The following XKR6 variants were observed in gnomAD, a reference collection of about 807,000 sequenced individuals.
XKR6 encodes the protein XK-related protein 6.
Under a neutral mutation model 56.7 loss-of-function variants are expected in XKR6, and 22 were observed. The ratio of observed to expected loss-of-function variants is 0.39; its 90% CI spans 0.28 to 0.55. XKR6 has a LOEUF of 0.55. Among genes scored for constraint, XKR6 ranks in the 20% least tolerant of loss-of-function variants. The pLI, the probability that XKR6 is intolerant of heterozygous loss-of-function variation, is 0.66. For missense variants in XKR6, 852 were observed against 889.0 expected (o/e 0.96, Z 0.53); for synonymous variants, 524 against 387.8 (o/e 1.35, Z -4.13).
At chr8:10,975,998 C>T (rs538528150) in intron 1 of XKR6, among the ~76,000 whole-genome samples, 3 of 150,948 alleles carry the variant, frequency 2.0e-5, no homozygotes, top group African/African-American at 7.3e-5. Flanking sequence ...CAAGGTGAAA[C>T]CCTGTCTCTA....
chr8:11,130,440 G>T (rs763607724), intron 1 of XKR6, among the ~76,000 whole-genome samples: 3 of 152,090 alleles, frequency 2.0e-5, no homozygotes, highest in Non-Finnish European at 2.9e-5. Context: ...ATCAGGATCA[G>T]GGGCGAGAAC....
chr8:10,932,863 G>C (rs1397258943), intron 1 of XKR6, among the ~76,000 whole-genome samples: 2 of 136,884 alleles, frequency 1.5e-5, no homozygotes, highest in Non-Finnish European at 3.2e-5. Context: ...CTTTGCTATT[G>C]TGAATAATGC....
intron 1 of XKR6, among the ~76,000 whole-genome samples, chr8:11,145,907 G>T (rs1028319221): frequency 2.6e-5 from 4 of 152,108 alleles, no homozygotes; most frequent in African/African-American, 4.8e-5. Flanking sequence ...TGGAAAGGAA[G>T]AATAACGTTT....
intron 1 of XKR6, among the ~76,000 whole-genome samples, chr8:11,129,890 T>A (rs1206789083): frequency 6.6e-6 from 1 of 152,094 alleles, no homozygotes; most frequent in Non-Finnish European, 1.5e-5. Flanking sequence ...TAAAAACCAA[T>A]CTCAGCTGCT....
At chr8:11,158,499 T>C (rs768099349) in intron 1 of XKR6, among the ~76,000 whole-genome samples, 41 of 152,284 alleles carry the variant, frequency 2.7e-4, no homozygotes, top group Non-Finnish European at 4.6e-4. Flanking sequence ...GCCTAGAAAC[T>C]TCGCCTTGAG....
intron 1 of XKR6, among the ~76,000 whole-genome samples, chr8:10,992,348 T>C (rs1156360624): frequency 1.3e-5 from 2 of 152,116 alleles, no homozygotes; most frequent in Non-Finnish European, 2.9e-5. Flanking sequence ...GGCTGCTTAT[T>C]AGAATGAAGA....
intron 1 of XKR6, among the ~76,000 whole-genome samples, chr8:11,039,723 G>A (rs1417427221): frequency 6.6e-6 from 1 of 152,210 alleles, no homozygotes; most frequent in Admixed American, 6.5e-5. Context: ...CCTTCCCAAG[G>A]ACGGCAGCTG....
intron 1 of XKR6, among the ~76,000 whole-genome samples, chr8:11,159,482 C>G (rs566926612): frequency 2.0e-5 from 3 of 152,232 alleles, no homozygotes; most frequent in Non-Finnish European, 2.9e-5. Flanking sequence ...TGCTAACAGA[C>G]GCTGCTTCTG....
At chr8:10,908,600 T>C (rs558909915) in intron 2 of XKR6, among the ~76,000 whole-genome samples, 1 of 152,292 alleles carries the variant, frequency 6.6e-6, no homozygotes, top group African/African-American at 2.4e-5. Context: ...GTTACACAAA[T>C]GTCACCTTCT....
intron 1 of XKR6, among the ~76,000 whole-genome samples, chr8:11,053,061 G>A (rs945338312): frequency 6.6e-6 from 1 of 152,132 alleles, no homozygotes; most frequent in Non-Finnish European, 1.5e-5. Context: ...ACCCCCCCAC[G>A]CGCCACCCTG....
intron 1 of XKR6, among the ~76,000 whole-genome samples, chr8:11,083,252 A>T (rs2129170442): frequency 6.6e-6 from 1 of 152,284 alleles, no homozygotes; most frequent in Non-Finnish European, 1.5e-5. Flanking sequence ...CTTGGAGTTC[A>T]GTGACTCCCT....
intron 1 of XKR6, among the ~76,000 whole-genome samples, chr8:11,173,350 A>AATAT (rs58235734): frequency 1.5e-4 from 22 of 142,870 alleles, no homozygotes; most frequent in South Asian, 4.4e-4. Flanking sequence ...CCTTAAAAAA[A>AATAT]ATATATATAT....
intron 1 of XKR6, among the ~76,000 whole-genome samples, chr8:11,156,882 C>T (rs1801549796): frequency 6.6e-6 from 1 of 152,012 alleles, no homozygotes; most frequent in Non-Finnish European, 1.5e-5. Context: ...GGGTAGGCTA[C>T]ACTTAGGAAC....
chr8:11,085,043 T>C (rs561602457), intron 1 of XKR6, among the ~76,000 whole-genome samples: 2 of 152,216 alleles, frequency 1.3e-5, no homozygotes, highest in South Asian at 4.1e-4. Context: ...CATCCCTCCA[T>C]CCAGCCTTTG....
chr8:11,165,060 G>A (rs1288968241), intron 1 of XKR6, among the ~76,000 whole-genome samples: 1 of 144,316 alleles, frequency 6.9e-6, no homozygotes, highest in Non-Finnish European at 1.5e-5. Flanking sequence ...TGTCAATACT[G>A]AGTAACACAA....
At chr8:11,127,771 A>G (rs1799886846) in intron 1 of XKR6, among the ~76,000 whole-genome samples, 1 of 152,160 alleles carries the variant, frequency 6.6e-6, no homozygotes, top group Non-Finnish European at 1.5e-5. Flanking sequence ...GCGGTTACAT[A>G]TTTATAGGTC....
intron 1 of XKR6, chr8:11,137,307 C>A: frequency 2.2e-5 from 6 of 275,072 alleles, no homozygotes; most frequent in East Asian, 1.1e-4. Flanking sequence ...TTCAAGAAAC[C>A]AATACATATC....
intron 1 of XKR6, among the ~76,000 whole-genome samples, chr8:11,195,766 G>A (rs576030797): frequency 1.7e-3 from 253 of 150,396 alleles, no homozygotes; most frequent in African/African-American, 5.9e-3. Flanking sequence ...CTCCTGCCTC[G>A]GCCTCCTGAG....
chr8:10,989,522 A>G (rs1233605638), intron 1 of XKR6, among the ~76,000 whole-genome samples: 1 of 152,232 alleles, frequency 6.6e-6, no homozygotes, highest in Non-Finnish European at 1.5e-5. Context: ...AAAGGATAAA[A>G]TGATGGCTTT....
Sources: gnomAD v4.1 joint callset for allele counts (sites outside exome capture counted in the v4.1 genomes callset) on GRCh38, gnomAD v4.1.1 for gene constraint, MANE v1.5 for transcripts, NCBI Gene and HGNC (gene_info 2026-07-23, HGNC 2026-07-21) for gene names.